The following NOVA1 variants were observed in gnomAD, a reference collection of about 807,000 sequenced individuals.
NOVA1 encodes the protein RNA-binding protein Nova-1.
NOVA1 carries 7 observed loss-of-function variants against 38.0 expected under a neutral mutation model. That is an observed-to-expected ratio of 0.18 (90% CI 0.10 to 0.35). The LOEUF is 0.35. Ranked by LOEUF, NOVA1 falls within the 10% of genes least tolerant of loss-of-function variation. The probability of loss-of-function intolerance (pLI) is 1.00; values close to 1 mark genes in which losing one functional copy is unlikely to be tolerated. For synonymous variants in NOVA1, 270 were observed against 232.5 expected (o/e 1.16, Z -1.47); for missense variants, 460 against 616.0 (o/e 0.75, Z 2.68).
chr14:26,478,840 T>A (rs1885202737), intron 3 of NOVA1, among the ~76,000 whole-genome samples: 1 of 151,842 alleles, frequency 6.6e-6, no homozygotes, highest in South Asian at 2.1e-4. Context: ...AACTACCTAC[T>A]CATGATTTAA....
At chr14:26,508,123 A>G (rs890802004) in intron 2 of NOVA1, among the ~76,000 whole-genome samples, 1 of 152,080 alleles carries the variant, frequency 6.6e-6, no homozygotes. Context: ...TACTTTCATT[A>G]CTAACACATT....
intron 2 of NOVA1, among the ~76,000 whole-genome samples, chr14:26,526,428 T>C (rs1419330215): frequency 6.6e-6 from 1 of 152,034 alleles, no homozygotes; most frequent in Admixed American, 6.6e-5. Context: ...GAGAAGGAAA[T>C]AAAAAACTCC....
At chr14:26,468,604 T>G (rs981916268) in intron 4 of NOVA1, among the ~76,000 whole-genome samples, 1 of 152,168 alleles carries the variant, frequency 6.6e-6, no homozygotes, top group African/African-American at 2.4e-5. Flanking sequence ...GGTTGTGAAA[T>G]AGTCATCTAG....
chr14:26,516,930 G>C (rs1888512465), intron 2 of NOVA1, among the ~76,000 whole-genome samples: 1 of 130,928 alleles, frequency 7.6e-6, no homozygotes. Flanking sequence ...TTTGGAGATG[G>C]AGTCTCGCTC....
chr14:26,588,123 TA>T (rs1893639842), intron 2 of NOVA1, among the ~76,000 whole-genome samples: 1 of 151,026 alleles, frequency 6.6e-6, no homozygotes, highest in Non-Finnish European at 1.5e-5. Context: ...CAAACATCTT[TA>T]AAATGAACTG....
chr14:26,468,785 T>C (rs181183839), intron 4 of NOVA1, among the ~76,000 whole-genome samples: 231 of 152,296 alleles, frequency 1.5e-3, no homozygotes, highest in African/African-American at 5.2e-3. Context: ...TTTTATACAA[T>C]TTGATAAATG....
Position 26,448,248 on chromosome 14 carries a change from C to T in NOVA1, c.1235G>A (p.Gly412Glu). The change falls in exon 5 of 5, where the codon GGA becomes GAA. Residue 412 changes from glycine (G) to glutamate (E), a missense_variant. Gly to Glu is a moderately conservative substitution (Grantham distance 98). Coordinates refer to ENST00000539517, the MANE Select transcript of NOVA1 (RefSeq NM_002515.3). The surrounding 1 kb of genome is among the most constrained non-coding windows in gnomAD (Gnocchi z 5.3). ...ASPLAASAIL[G>E]TEKSTDGSKD... is the part of the protein sequence containing the mutation. ...GGATCCATCTGTGGACTTTTCTGTTCCTAGAATGGCACTGGCAGCTAGGGG... is the reference window on the plus strand; with the variant it reads ...GGATCCATCTGTGGACTTTTCTGTTTCTAGAATGGCACTGGCAGCTAGGGG... 2 of 1,614,204 alleles carry T rather than the reference C, an allele frequency of 1.2e-6. No homozygotes were observed. Among genetic ancestry groups the T allele is most frequent in the Non-Finnish European group, 1.7e-6 (2 of 1,180,044 alleles).
intron 2 of NOVA1, among the ~76,000 whole-genome samples, chr14:26,582,187 C>T (rs768855444): frequency 1.3e-5 from 2 of 151,614 alleles, no homozygotes; most frequent in Non-Finnish European, 3.0e-5. Context: ...TTCCCAAACC[C>T]GAAATTGTAC....
intron 2 of NOVA1, among the ~76,000 whole-genome samples, chr14:26,486,397 A>T (rs559428641): frequency 1.1e-4 from 16 of 152,078 alleles, no homozygotes; most frequent in Non-Finnish European, 2.4e-4. Flanking sequence ...AGACTGTTAA[A>T]ATTATATAAA....
chr14:26,591,154 A>C (rs1419574891), intron 2 of NOVA1, among the ~76,000 whole-genome samples: 1 of 151,738 alleles, frequency 6.6e-6, no homozygotes, highest in Non-Finnish European at 1.5e-5. Flanking sequence ...AAAATAAAGT[A>C]TTAAAAAAAA....
At chr14:26,453,743 C>A (rs1028097073) in intron 4 of NOVA1, among the ~76,000 whole-genome samples, 3 of 152,008 alleles carry the variant, frequency 2.0e-5, no homozygotes, top group African/African-American at 7.3e-5. Flanking sequence ...ATTATCATGG[C>A]AGAAAAATCA....
intron 2 of NOVA1, chr14:26,549,686 T>G: frequency 7.9e-7 from 1 of 1,273,438 alleles, no homozygotes; most frequent in Non-Finnish European, 1.0e-6. Flanking sequence ...TTACAGTCTA[T>G]GTAGTACTCC....
intron 4 of NOVA1, among the ~76,000 whole-genome samples, chr14:26,471,374 AGTC>A (rs1432361736): frequency 1.3e-5 from 2 of 151,902 alleles, no homozygotes; most frequent in Non-Finnish European, 2.9e-5. Flanking sequence ...ATAATTTGTT[AGTC>A]AACTATATGA....
intron 2 of NOVA1, among the ~76,000 whole-genome samples, chr14:26,540,776 CAG>C (rs879704279): frequency 1.1e-4 from 16 of 152,062 alleles, no homozygotes; most frequent in Non-Finnish European, 1.9e-4. Context: ...ACTTAAATAC[CAG>C]GAATCAACTA....
chr14:26,526,285 T>C (rs1180718219), intron 2 of NOVA1, among the ~76,000 whole-genome samples: 3 of 152,198 alleles, frequency 2.0e-5, no homozygotes, highest in African/African-American at 7.2e-5. Flanking sequence ...AACATGGTTC[T>C]GTTTTTCATC....
intron 4 of NOVA1, among the ~76,000 whole-genome samples, chr14:26,467,097 A>T (rs1357557579): frequency 6.6e-6 from 1 of 152,216 alleles, no homozygotes; most frequent in African/African-American, 2.4e-5. Context: ...GAGAAAGAAG[A>T]CTCAGAAGAA....
At chr14:26,507,269 A>G (rs1049153298) in intron 2 of NOVA1, among the ~76,000 whole-genome samples, 1 of 72,098 alleles carries the variant, frequency 1.4e-5, no homozygotes, top group Admixed American at 1.7e-4. Flanking sequence ...CATTCAACTC[A>G]TTGTAAAAAA....
chr14:26,572,554 T>C (rs964641999), intron 2 of NOVA1, among the ~76,000 whole-genome samples: 1 of 152,198 alleles, frequency 6.6e-6, no homozygotes, highest in African/African-American at 2.4e-5. Flanking sequence ...ATCATTTTTG[T>C]AGCACTTATA....
intron 4 of NOVA1, among the ~76,000 whole-genome samples, chr14:26,468,103 G>A (rs1371789958): frequency 6.6e-6 from 1 of 152,124 alleles, no homozygotes; most frequent in South Asian, 2.1e-4. Flanking sequence ...CGTTACTCCT[G>A]TGATTTGGTT....
Sources: allele counts gnomAD v4.1 joint callset (sites outside exome capture counted in the v4.1 genomes callset), GRCh38; gene constraint gnomAD v4.1.1; non-coding constraint Gnocchi (gnomAD v3.1); transcripts MANE v1.5; gene names NCBI Gene and HGNC (gene_info 2026-07-23, HGNC 2026-07-21).